AFF2: variants seen among roughly 807,000 people sequenced by gnomAD.
The protein encoded by AFF2 is AF4/FMR2 family member 2.
Under a neutral mutation model 76.9 loss-of-function variants are expected in AFF2, and 14 were observed. That is an observed-to-expected ratio of 0.18 (90% CI 0.12 to 0.28). The LOEUF is 0.28. Among genes scored for constraint, AFF2 ranks in the 10% least tolerant of loss-of-function variants. The pLI is 1.00. For missense variants in AFF2, 868 were observed against 1,001.1 expected (o/e 0.87, Z 1.79); for synonymous variants, 398 against 366.7 (o/e 1.09, Z -0.98).
At chrX:148,827,291 T>C (rs180965076) in intron 4 of AFF2, among the ~76,000 whole-genome samples, 49 of 112,044 alleles carry the variant, frequency 4.4e-4, no homozygotes, top group African/African-American at 1.4e-3. Context: ...TGAGCCTTTG[T>C]CCCTTCTAAA....
Position 148,955,734 on chromosome X carries a change from C to T in AFF2, c.1689C>T (p.Ile563=). 1 of 1,211,778 alleles carries T rather than the reference C, an allele frequency of 8.3e-7. No homozygotes were observed. Among genetic ancestry groups the T allele is most frequent in the Non-Finnish European group, 1.1e-6 (1 of 895,535 alleles). The change falls in exon 11 of 21, where the codon ATC becomes ATT. Residue 563 remains isoleucine (I), a synonymous_variant. Transcript: ENST00000370460. The stretch of plus-strand genomic sequence containing the variant: ...CTATTTCTCTGCCTCCTCCAATCAT[C>T]CAACCAATGGAAGTCCAGATGAAAG... The part of the protein sequence containing the change: ...METISLPPPI[I]QPMEVQMKVK...
At chrX:148,878,932 T>C (rs1417834975) in intron 7 of AFF2, among the ~76,000 whole-genome samples, 2 of 112,357 alleles carry the variant, frequency 1.8e-5, no homozygotes, top group African/African-American at 6.5e-5. Context: ...CAGAGAAATA[T>C]ACTAAGAAAA....
At chrX:148,697,993 A>C (rs2054740517) in intron 3 of AFF2, among the ~76,000 whole-genome samples, 1 of 112,630 alleles carries the variant, frequency 8.9e-6, no homozygotes, top group African/African-American at 3.2e-5. Flanking sequence ...ACTTTTAACA[A>C]ATTCCAGATC....
At chrX:148,642,369 T>A (rs1452044351) in intron 1 of AFF2, among the ~76,000 whole-genome samples, 2 of 112,585 alleles carry the variant, frequency 1.8e-5, no homozygotes, top group African/African-American at 6.5e-5. Flanking sequence ...AGAATACTAT[T>A]TCTGAGAAAA....
chrX:148,602,694 G>A (rs2053637513), intron 1 of AFF2, among the ~76,000 whole-genome samples: 1 of 111,145 alleles, frequency 9.0e-6, no homozygotes, highest in African/African-American at 3.3e-5. Context: ...CTGAAGAACA[G>A]GCAATGTAGA....
intron 3 of AFF2, among the ~76,000 whole-genome samples, chrX:148,677,359 CTTG>C (rs1283597266): frequency 7.2e-5 from 8 of 111,522 alleles, no homozygotes; most frequent in African/African-American, 2.6e-4. Flanking sequence ...CACAGTGCTT[CTTG>C]TTGTAAAGCT....
chrX:148,925,716 G>T (rs181553652), intron 9 of AFF2, among the ~76,000 whole-genome samples: 93 of 112,022 alleles, frequency 8.3e-4, no homozygotes, highest in African/African-American at 2.9e-3. Flanking sequence ...CTGTGTAATG[G>T]GGATAATGAT....
chrX:148,851,790 C>T (rs373091436), intron 7 of AFF2, among the ~76,000 whole-genome samples: 12 of 109,504 alleles, frequency 1.1e-4, no homozygotes, highest in African/African-American at 3.0e-4. Context: ...GCATGTGACA[C>T]GGGGGTTTGT....
At chrX:148,985,106 T>C (rs2072447640) in intron 19 of AFF2, among the ~76,000 whole-genome samples, 1 of 109,436 alleles carries the variant, frequency 9.1e-6, no homozygotes. Context: ...TGCTTCAGCC[T>C]CCCAAGTAGC....
intron 9 of AFF2, among the ~76,000 whole-genome samples, chrX:148,906,522 G>A (rs1444880151): frequency 8.9e-6 from 1 of 112,015 alleles, no homozygotes; most frequent in African/African-American, 3.3e-5. Context: ...AGGTAGTAAA[G>A]AGAGCTCACT....
chrX:148,619,663 G>A (rs966335377), intron 1 of AFF2, among the ~76,000 whole-genome samples: 2 of 111,968 alleles, frequency 1.8e-5, no homozygotes, highest in East Asian at 5.7e-4. Context: ...GTAAACAACT[G>A]TATGGGAAAG....
Position 148,993,194 on chromosome X carries a change from GC to G in AFF2, c.*1863del, listed in dbSNP as rs1304943878. On this transcript the variant is annotated 3_prime_UTR_variant, in exon 21 of 21. Coordinates refer to ENST00000370460, the MANE Select transcript of AFF2 (RefSeq NM_002025.4). ...TAATATGGCTGATGGGAGCATCCCT[GC>G]AGCTGAACCCAGCACTTTTTATGCT... The G allele has an allele frequency of 8.9e-6, 1 of 112,796 alleles. No individual in the cohort carries two copies. Among genetic ancestry groups the G allele is most frequent in the Non-Finnish European group, 1.9e-5 (1 of 53,335 alleles). The allele number at this position is 112,796 out of a possible 1,213,427, so 9.3% of individuals were successfully genotyped here. A position where few individuals can be genotyped will look rare whatever the true frequency, so the allele number is the denominator to read the frequency against.
intron 1 of AFF2, among the ~76,000 whole-genome samples, chrX:148,597,743 G>A (rs782456055): frequency 4.1e-4 from 46 of 112,045 alleles, no homozygotes; most frequent in Non-Finnish European, 7.0e-4. Flanking sequence ...CCCCTGAGGA[G>A]TCACAGAGCA....
At chrX:148,870,157 G>A (rs782360173) in intron 7 of AFF2, among the ~76,000 whole-genome samples, 133 of 111,236 alleles carry the variant, frequency 1.2e-3, no homozygotes, top group African/African-American at 4.1e-3. Flanking sequence ...AGGGAATTTA[G>A]GGGTACTTAC....
intron 3 of AFF2, among the ~76,000 whole-genome samples, chrX:148,666,258 T>C (rs782392425): frequency 8.9e-6 from 1 of 112,281 alleles, no homozygotes; most frequent in South Asian, 3.7e-4. Context: ...AGCTTTTCAA[T>C]TGAGGCATGT....
rs558156514 is a variant in AFF2, at chrX:148,992,976, A to T, written c.*1644A>T. ...CACATGAAAGATGCAAACTTGTGTG[A>T]TTATTAAAGCCAGCCATGCAGGTCC... is the stretch of plus-strand genomic sequence containing the variant. On this transcript the variant is annotated 3_prime_UTR_variant, in exon 21 of 21. Coordinates refer to ENST00000370460, the MANE Select transcript of AFF2 (RefSeq NM_002025.4). The T allele has an allele frequency of 1.8e-5, 2 of 112,970 alleles. No homozygotes were observed. Among genetic ancestry groups the T allele is most frequent in the African/African-American group, 6.4e-5 (2 of 31,060 alleles). 9.3% of individuals were successfully genotyped at this position (112,970 alleles called of 1,213,427 possible). A position where few individuals can be genotyped will look rare whatever the true frequency, so the allele number is the denominator to read the frequency against.
At chrX:148,523,969 C>T (rs782229949) in intron 1 of AFF2, among the ~76,000 whole-genome samples, 3 of 111,205 alleles carry the variant, frequency 2.7e-5, no homozygotes, top group South Asian at 3.8e-4. Context: ...TCTTAGATGT[C>T]GGGCAGTATG....
At chrX:148,961,197 G>A (rs1374897594) in intron 12 of AFF2, among the ~76,000 whole-genome samples, 2 of 111,953 alleles carry the variant, frequency 1.8e-5, no homozygotes, top group South Asian at 7.4e-4. Flanking sequence ...CAAGTAGTGG[G>A]GGAGTATTTA....
intron 3 of AFF2, among the ~76,000 whole-genome samples, chrX:148,762,901 A>G (rs1180896000): frequency 8.9e-6 from 1 of 111,872 alleles, no homozygotes; most frequent in Non-Finnish European, 1.9e-5. Flanking sequence ...CCTGACATCT[A>G]TTTTGTGACA....
Sources: allele counts gnomAD v4.1 joint callset (sites outside exome capture counted in the v4.1 genomes callset), GRCh38; gene constraint gnomAD v4.1.1; transcripts MANE v1.5; gene names NCBI Gene and HGNC (gene_info 2026-07-23, HGNC 2026-07-21).